The following EYS variants were observed in gnomAD, a reference collection of about 807,000 sequenced individuals.
EYS encodes protein eyes shut homolog.
In EYS, 250 loss-of-function variants were observed where a neutral mutation model predicts 282.1. The ratio of observed to expected loss-of-function variants is 0.89; its 90% confidence interval spans 0.80 to 0.98. The LOEUF (loss-of-function observed/expected upper bound fraction) is 0.98. Among genes scored for constraint, EYS ranks in the 50% least tolerant of loss-of-function variants. EYS has a pLI of 0.00. For missense variants in EYS, 4,016 were observed against 3,709.0 expected (o/e 1.08, Z -2.15); for synonymous variants, 1,355 against 1,282.9 (o/e 1.06, Z -1.20).
intron 10 of EYS, among the ~76,000 whole-genome samples, chr6:65,339,325 T>C (rs931738344): frequency 6.6e-6 from 1 of 151,166 alleles, no homozygotes; most frequent in African/African-American, 2.4e-5. Context: ...TAATAAAAAA[T>C]GACAGCAGTC....
intron 19 of EYS, among the ~76,000 whole-genome samples, chr6:64,876,302 T>C (rs1414231853): frequency 6.6e-6 from 1 of 152,152 alleles, no homozygotes; most frequent in Non-Finnish European, 1.5e-5. Context: ...TTATTTCTTA[T>C]TGGTTACTAA....
At chr6:64,709,040 CAGTA>C (rs1183439596) in intron 22 of EYS, among the ~76,000 whole-genome samples, 2 of 149,338 alleles carry the variant, frequency 1.3e-5, no homozygotes, top group Non-Finnish European at 2.9e-5. Flanking sequence ...ACACACACAG[CAGTA>C]AGTAATGTAC....
intron 12 of EYS, among the ~76,000 whole-genome samples, chr6:65,099,921 A>AAG (rs905573906): frequency 6.6e-6 from 1 of 150,864 alleles, no homozygotes; most frequent in Non-Finnish European, 1.5e-5. Context: ...CTTCATGGCA[A>AAG]AGATGAAAAG....
chr6:64,294,158 A>C (rs1204107753), intron 30 of EYS, among the ~76,000 whole-genome samples: 2 of 152,174 alleles, frequency 1.3e-5, no homozygotes, highest in African/African-American at 4.8e-5. Context: ...CCTTGGTAAA[A>C]TGATTCAAGC....
At chr6:63,804,452 A>G (rs936665524) in intron 37 of EYS, among the ~76,000 whole-genome samples, 15 of 152,238 alleles carry the variant, frequency 9.9e-5, no homozygotes, top group Non-Finnish European at 2.1e-4. Flanking sequence ...AACTTGACAC[A>G]TAATTTGCAC....
intron 1 of EYS, among the ~76,000 whole-genome samples, chr6:65,654,353 T>C (rs995463449): frequency 3.3e-5 from 5 of 151,848 alleles, no homozygotes; most frequent in African/African-American, 1.2e-4. Context: ...TAAGATTGTA[T>C]ACAAGAAATC....
intron 22 of EYS, among the ~76,000 whole-genome samples, chr6:64,806,257 C>G (rs1437550134): frequency 6.6e-6 from 1 of 151,660 alleles, no homozygotes; most frequent in Non-Finnish European, 1.5e-5. Context: ...TAACTTAAAG[C>G]TAAGTTGATT....
At chr6:65,647,780 G>A (rs554616578) in intron 1 of EYS, among the ~76,000 whole-genome samples, 31 of 152,138 alleles carry the variant, frequency 2.0e-4, no homozygotes, top group Non-Finnish European at 7.4e-5. Context: ...ATCCAACAAA[G>A]GACTAATATG....
At chr6:64,951,284 G>A (rs538250729) in intron 14 of EYS, among the ~76,000 whole-genome samples, 1 of 151,850 alleles carries the variant, frequency 6.6e-6, no homozygotes, top group Non-Finnish European at 1.5e-5. Flanking sequence ...GAACACAACA[G>A]AGGGGCATAT....
At chr6:64,788,967 G>C (rs1774102034) in intron 22 of EYS, among the ~76,000 whole-genome samples, 1 of 152,124 alleles carries the variant, frequency 6.6e-6, no homozygotes, top group Non-Finnish European at 1.5e-5. Context: ...CCTCAATAAA[G>C]TGATTGCAAT....
chr6:65,502,639 G>A (rs779428831), intron 2 of EYS, among the ~76,000 whole-genome samples: 2 of 151,106 alleles, frequency 1.3e-5, no homozygotes, highest in African/African-American at 2.4e-5. Flanking sequence ...ATCCTATTCA[G>A]GCTACTACAT....
At chr6:64,939,481 A>G (rs909374781) in intron 15 of EYS, among the ~76,000 whole-genome samples, 18 of 152,066 alleles carry the variant, frequency 1.2e-4, no homozygotes, top group African/African-American at 4.1e-4. Flanking sequence ...ATTTTGAATT[A>G]AGCCTTGTAG....
At chr6:65,570,874 A>T (rs1344491583) in intron 2 of EYS, among the ~76,000 whole-genome samples, 1 of 152,158 alleles carries the variant, frequency 6.6e-6, no homozygotes, top group Non-Finnish European at 1.5e-5. Context: ...AAGTAACTGA[A>T]GATTTTTTTC....
At chr6:65,513,859 C>G (rs1159639851) in intron 2 of EYS, among the ~76,000 whole-genome samples, 3 of 152,190 alleles carry the variant, frequency 2.0e-5, no homozygotes, top group African/African-American at 7.2e-5. Flanking sequence ...AACCTGGAAG[C>G]ATTCCCTTTG....
chr6:65,684,989 A>C (rs1171236515), intron 1 of EYS, among the ~76,000 whole-genome samples: 1 of 152,016 alleles, frequency 6.6e-6, no homozygotes, highest in Non-Finnish European at 1.5e-5. Context: ...GAAAACAGGC[A>C]GCCTAAAGAT....
chr6:65,181,064 T>G (rs976549361), intron 12 of EYS, among the ~76,000 whole-genome samples: 4 of 152,080 alleles, frequency 2.6e-5, no homozygotes, highest in African/African-American at 7.2e-5. Context: ...ATTCAAGATG[T>G]ATTAGAGACT....
At position 64,038,080 on chromosome 6, in the gene EYS, C is replaced by A. The variant is rs528524636; in HGVS notation, c.6725+28258G>T. Among the ~76,000 whole-genome samples the A allele has an allele frequency of 1.1e-4, 16 of 150,952 alleles. No homozygotes were observed. In the East Asian group the frequency reaches 2.5e-3, roughly 24 times the overall value. On this transcript the variant is annotated intron_variant, in intron 33 of 42. Transcript: ENST00000503581. The stretch of plus-strand genomic sequence containing the variant: ...CTCCTTATGCAAAATTAATCAGGTG[C>A]AATTTCTTTTATAAAAATAAAGAAT...
At chr6:65,370,042 A>T (rs149226765) in intron 8 of EYS, among the ~76,000 whole-genome samples, 1 of 151,604 alleles carries the variant, frequency 6.6e-6, no homozygotes, top group East Asian at 1.9e-4. Context: ...TTAAAATGTA[A>T]TTGGTAAGGT....
chr6:65,468,652 G>A (rs9351506), intron 5 of EYS, among the ~76,000 whole-genome samples: 28,326 of 151,826 alleles, frequency 0.19, 3,273 homozygotes, highest in Middle Eastern at 0.3. Flanking sequence ...TCGAACAAAA[G>A]TTACCTATTA....
Sources: gnomAD v4.1 joint callset for allele counts (sites outside exome capture counted in the v4.1 genomes callset) on GRCh38, gnomAD v4.1.1 for gene constraint, MANE v1.5 for transcripts, NCBI Gene and HGNC (gene_info 2026-07-23, HGNC 2026-07-21) for gene names.